RCC1L: variants seen among roughly 807,000 people sequenced by gnomAD.
RCC1L encodes RCC1-like G exchanging factor-like protein.
A neutral mutation model predicts 58.6 loss-of-function variants in RCC1L; 46 were observed. The observed-to-expected ratio is 0.79, with a 90% CI of 0.62 to 1.00. The LOEUF is 1.00. Ranked by LOEUF, RCC1L falls within the 50% of genes least tolerant of loss-of-function variation. The probability of loss-of-function intolerance (pLI) is 0.00; values close to 1 mark genes in which losing one functional copy is unlikely to be tolerated. For missense variants in RCC1L, 636 were observed against 623.6 expected (o/e 1.02, Z -0.21); for synonymous variants, 281 against 262.9 (o/e 1.07, Z -0.67).
Position 75,056,815 on chromosome 7 carries a change from G to A in RCC1L, c.1057+714C>T, listed in dbSNP as rs1806095024. The A allele has an allele frequency of 3.2e-6, 4 of 1,262,374 alleles. No homozygotes were observed. The East Asian group carries it at 1.0e-4, about 32-fold the overall frequency. 78.2% of individuals were successfully genotyped at this position (1,262,374 alleles called of 1,614,324 possible). A position where few individuals can be genotyped will look rare whatever the true frequency, so the allele number is the denominator to read the frequency against. On this transcript the variant is annotated intron_variant, in intron 8 of 10. Transcript: ENST00000610322. ...TTCTAATCCAATGCCATCTTCCCATGGCCATAGTCCCTTCCTTTTTTGAAA... is the reference window on the plus strand; with the variant it reads ...TTCTAATCCAATGCCATCTTCCCATAGCCATAGTCCCTTCCTTTTTTGAAA...
downstream of RCC1L, among the ~76,000 whole-genome samples, chr7:75,041,928 T>C (rs950971981): frequency 6.6e-6 from 1 of 151,188 alleles, no homozygotes; most frequent in African/African-American, 2.4e-5. Context: ...TCTTCTAAAC[T>C]ATTTTTCAGT....
rs1475888641 is a variant in RCC1L at position 75,030,717 on chromosome 7, AAC to A, written c.1318-2640_1318-2639del. On this transcript the variant is annotated intron_variant, in intron 10 of 10. Coordinates refer to the RCC1L transcript ENST00000614461. ...GATTCAAGGGCCCAGGGTAAAAGCC[AAC>A]GTGTTATTTTTATCCCTAGCCTCAG... Among the ~76,000 whole-genome samples, 14 of 152,144 alleles carry A rather than the reference AAC, an allele frequency of 9.2e-5. No homozygotes were observed. The East Asian group carries it at 2.7e-3, about 29-fold the overall frequency.
chr7:75,054,747 A>G (rs1806023014), intron 9 of RCC1L, among the ~76,000 whole-genome samples: 1 of 152,030 alleles, frequency 6.6e-6, no homozygotes, highest in Non-Finnish European at 1.5e-5. Flanking sequence ...GCGCCATTGC[A>G]CTCCAGCCTG....
chr7:75,039,958 A>G (rs1805515877), downstream of RCC1L, among the ~76,000 whole-genome samples: 3 of 152,120 alleles, frequency 2.0e-5, no homozygotes, highest in Non-Finnish European at 4.4e-5. Context: ...CATTAGGGAA[A>G]GAGAGGACAG....
At chr7:75,041,680 G>A (rs1489948308), downstream of RCC1L, among the ~76,000 whole-genome samples, 17 of 151,902 alleles carry the variant, frequency 1.1e-4, no homozygotes, top group African/African-American at 3.9e-4. Context: ...CCAACGTGGT[G>A]AAACCCCATC....
Position 75,073,643 on chromosome 7 carries a change from G to C in RCC1L, c.95C>G (p.Ser32Cys). Residue 32 changes from serine to cysteine, a missense_variant, in exon 1 of 11, where the codon TCC becomes TGC. Transcript: ENST00000610322. ...GRGHWTAAGRSRSRREAAEAE... is the reference protein window; with the variant it reads ...GRGHWTAAGRCRSRREAAEAE... ...TTCTGCCGCTTCGCGCCGGCTCCGG[G>C]AGCGCCCGGCCGCCGTCCAGTGCCC... 6.8e-6 allele frequency: 10 copies of C among 1,480,172 alleles called. No homozygotes were observed. Among genetic ancestry groups the C allele is most frequent in the Non-Finnish European group, 8.9e-6 (10 of 1,123,596 alleles). The allele number at this position is 1,480,172 out of a possible 1,614,324, so 91.7% of individuals were successfully genotyped here.
intron 2 of RCC1L, 51 bp downstream of exon 2, chr7:75,070,589 A>G (rs782080067): frequency 1.3e-6 from 2 of 1,598,178 alleles, no homozygotes; most frequent in South Asian, 2.2e-5. Flanking sequence ...ACAAAAAAAG[A>G]GCTTTCTCAG....
At chr7:75,059,860 A>G (rs952821391) in intron 6 of RCC1L, among the ~76,000 whole-genome samples, 53 of 152,254 alleles carry the variant, frequency 3.5e-4, no homozygotes, top group Non-Finnish European at 6.0e-4. Flanking sequence ...CAGTGGGTTC[A>G]TGCCATTCTC....
chr7:75,060,358 G>A (rs906659669), intron 6 of RCC1L, among the ~76,000 whole-genome samples: 8 of 152,360 alleles, frequency 5.3e-5, no homozygotes, highest in Middle Eastern at 6.8e-3. Flanking sequence ...GCTGGCCAGG[G>A]GTTACCCCCA....
intron 2 of RCC1L, among the ~76,000 whole-genome samples, chr7:75,068,932 C>T (rs1219689128): frequency 6.6e-6 from 1 of 151,844 alleles, no homozygotes; most frequent in Non-Finnish European, 1.5e-5. Flanking sequence ...GGCAGTGGTG[C>T]GATCTCGGCT....
At chr7:75,065,183 T>C (rs1584502467) in intron 3 of RCC1L, among the ~76,000 whole-genome samples, 2 of 151,852 alleles carry the variant, frequency 1.3e-5, no homozygotes, top group African/African-American at 4.8e-5. Context: ...ACGTTTACTT[T>C]TTAATTAAAA....
intron 1 of RCC1L, among the ~76,000 whole-genome samples, chr7:75,073,063 G>A (rs1806825214): frequency 6.6e-6 from 1 of 152,144 alleles, no homozygotes; most frequent in Non-Finnish European, 1.5e-5. Flanking sequence ...CTGCAGTCAC[G>A]CTGGCCTGAG....
chr7:75,047,937 G>A (rs1378196880), intron 10 of RCC1L, among the ~76,000 whole-genome samples: 2 of 124,702 alleles, frequency 1.6e-5, no homozygotes, highest in Non-Finnish European at 3.2e-5. Context: ...GAGCCATAGC[G>A]CCTGGCCAAT....
downstream of RCC1L, among the ~76,000 whole-genome samples, chr7:75,041,863 C>CAAA (rs1201913828): frequency 1.3e-3 from 81 of 64,502 alleles, no homozygotes; most frequent in African/African-American, 3.1e-3. Context: ...GACTCTGTCT[C>CAAA]AAAAAAAAAA....
At position 75,058,631 on chromosome 7, in the gene RCC1L, T is replaced by A; in HGVS notation, c.926A>T (p.Asn309Ile). ...AGAGGCCAGCTGCAGGTACTCCGAG[T>A]TTCCCCAACCAAAAAGTCCTCCGTC... ...SADGGLFGWGNSEYLQLASVT... is the reference protein window; with the variant it reads ...SADGGLFGWGISEYLQLASVT... The change falls in exon 7 of 11, where the codon AAC becomes ATC. Residue 309 changes from asparagine to isoleucine, a missense_variant. Physicochemically the swap from Asn to Ile is moderately radical, Grantham distance 149. Coordinates refer to ENST00000610322, the MANE Select transcript of RCC1L (RefSeq NM_030798.5). 1 of 1,612,424 alleles carries A rather than the reference T, an allele frequency of 6.2e-7. No homozygotes were observed. The highest frequency in any genetic ancestry group is 1.1e-5 in the South Asian group (1 of 90,816).
chr7:75,029,658 C>T (rs923453473), intron 10 of RCC1L, among the ~76,000 whole-genome samples: 17 of 151,916 alleles, frequency 1.1e-4, no homozygotes, highest in African/African-American at 4.1e-4. Flanking sequence ...GGATTTTTGA[C>T]GCCACTTCCT....
At chr7:75,047,510 G>A (rs915293659) in intron 10 of RCC1L, among the ~76,000 whole-genome samples, 2 of 152,116 alleles carry the variant, frequency 1.3e-5, no homozygotes, top group African/African-American at 2.4e-5. Context: ...CAATCCTTTC[G>A]CGTCAGCCTC....
intron 1 of RCC1L, 34 bp downstream of exon 1, chr7:75,073,380 G>C: frequency 1.0e-6 from 1 of 966,666 alleles, no homozygotes; most frequent in Non-Finnish European, 1.4e-6. Context: ...GCGGAAGAGA[G>C]AGAAGGAGAG....
chr7:75,057,459 A>G, intron 8 of RCC1L, 70 bp downstream of exon 8: 2 of 1,527,130 alleles, frequency 1.3e-6, no homozygotes, highest in Non-Finnish European at 1.8e-6. Flanking sequence ...TGCAAATCCA[A>G]TGGACACTGA....
Sources: gnomAD v4.1 joint callset for allele counts (sites outside exome capture counted in the v4.1 genomes callset) on GRCh38, gnomAD v4.1.1 for gene constraint, MANE v1.5 for transcripts, NCBI Gene and HGNC (gene_info 2026-07-23, HGNC 2026-07-21) for gene names.